The following RANBP9 variants were observed in gnomAD, a reference collection of about 807,000 sequenced individuals.
The protein encoded by RANBP9 is RAN binding protein 9.
RANBP9 carries 15 observed loss-of-function variants against 84.3 expected under a neutral mutation model. The observed-to-expected ratio is 0.18, with a 90% confidence interval of 0.12 to 0.27. RANBP9 has a LOEUF of 0.27. Ranked by LOEUF, RANBP9 falls within the 10% of genes least tolerant of loss-of-function variation. The probability of loss-of-function intolerance (pLI) is 1.00; values close to 1 mark genes in which losing one functional copy is unlikely to be tolerated. For synonymous variants in RANBP9, 392 were observed against 349.6 expected, an observed-to-expected ratio of 1.12 and a Z score of -1.35; for missense variants, 809 against 912.8, an observed-to-expected ratio of 0.89 and a Z score of 1.46.
At position 13,644,568 on chromosome 6, in the gene RANBP9, T is replaced by C. The variant is rs1424837183; in HGVS notation, c.1089A>G (p.Gly363=). Residue 363 remains glycine, a synonymous_variant, in exon 6 of 14, where the codon GGA becomes GGG. Coordinates refer to ENST00000011619, the MANE Select transcript of RANBP9 (RefSeq NM_005493.3). ...ACTTTTGTATCATGGTCTGCCATTC[T>C]CCTTCTCGATCTCCGATAGGAAATC... ...IDRFPIGDRE[G]EWQTMIQKMV... is the part of the protein sequence containing the mutation. 1 of 1,612,796 alleles carries C rather than the reference T, an allele frequency of 6.2e-7. No homozygotes were observed. Among genetic ancestry groups the C allele is most frequent in the Admixed American group, 1.7e-5 (1 of 59,668 alleles).
chr6:13,627,820 T>C (rs1358791656), intron 12 of RANBP9, among the ~76,000 whole-genome samples: 1 of 152,060 alleles, frequency 6.6e-6, no homozygotes, highest in East Asian at 1.9e-4. Context: ...ACTATATTCA[T>C]AGCCTACATC....
intron 12 of RANBP9, among the ~76,000 whole-genome samples, chr6:13,627,652 A>C (rs1280245677): frequency 1.3e-5 from 2 of 151,746 alleles, no homozygotes; most frequent in African/African-American, 2.4e-5. Context: ...AAAAAAAAAA[A>C]AATCACGTTA....
At chr6:13,696,681 A>C (rs1757838992) in intron 2 of RANBP9, 104 bp downstream of exon 2, 1 of 908,256 alleles carries the variant, frequency 1.1e-6, no homozygotes, top group African/African-American at 1.7e-5. Flanking sequence ...CCACTTTTCC[A>C]ATTAGCAAAA....
At chr6:13,684,842 G>C (rs1766132252) in intron 2 of RANBP9, among the ~76,000 whole-genome samples, 1 of 152,174 alleles carries the variant, frequency 6.6e-6, no homozygotes, top group East Asian at 1.9e-4. Context: ...CTTGTTTGGA[G>C]GTGAAAAGGC....
chr6:13,628,522 C>T lies in RANBP9; in HGVS notation c.1948-2758G>A, dbSNP rs184180500. ...AAATAAGGTTTTAAATGAAGGAAAC[C>T]AATATGGATTAGACTTAATTTTAGA... On this transcript the variant is annotated intron_variant, in intron 12 of 13. Coordinates refer to ENST00000011619, the MANE Select transcript of RANBP9 (RefSeq NM_005493.3). Among the ~76,000 whole-genome samples the T allele has an allele frequency of 2.3e-4, 35 of 152,168 alleles. No individual in the cohort carries two copies. The East Asian group carries it at 6.6e-3, about 29-fold the overall frequency.
intron 12 of RANBP9, among the ~76,000 whole-genome samples, chr6:13,627,884 C>G (rs1764662635): frequency 6.6e-6 from 1 of 152,202 alleles, no homozygotes; most frequent in South Asian, 2.1e-4. Context: ...TAAATTAAGA[C>G]TACACTGTCT....
At chr6:13,709,803 T>G (rs563985883) in intron 1 of RANBP9, among the ~76,000 whole-genome samples, 1 of 152,370 alleles carries the variant, frequency 6.6e-6, no homozygotes, top group South Asian at 2.1e-4. Context: ...TTCTCAAATT[T>G]CAGTCCCGTA....
At chr6:13,637,563 A>G (rs1267165805) in intron 10 of RANBP9, among the ~76,000 whole-genome samples, 1 of 152,184 alleles carries the variant, frequency 6.6e-6, no homozygotes, top group Admixed American at 6.5e-5. Flanking sequence ...ATTTGTCCTT[A>G]TAACTTTACT....
rs138241137 is a variant in RANBP9 at position 13,637,885 on chromosome 6, G to A, written c.1596C>T (p.His532=). The change falls in exon 10 of 14, where the codon CAC becomes CAT. Residue 532 remains histidine (H), a synonymous_variant. Coordinates refer to ENST00000011619, the MANE Select transcript of RANBP9 (RefSeq NM_005493.3). Reference sequence around the variant, plus strand: ...CTGGTACATTCAAGTTGGATGACTGGTGTTTATTACTATGGCAATATGATT... The same window carrying A: ...CTGGTACATTCAAGTTGGATGACTGATGTTTATTACTATGGCAATATGATT... ...AHQSYCHSNK[H]QSSNLNVPEL... is the part of the protein sequence containing the mutation. 241 of 1,608,174 alleles carry A rather than the reference G, an allele frequency of 1.5e-4. No individual in the cohort carries two copies. The highest frequency in any genetic ancestry group is 2.0e-4 in the Non-Finnish European group (230 of 1,175,110).
intron 5 of RANBP9, among the ~76,000 whole-genome samples, chr6:13,646,328 G>A (rs1765173801): frequency 6.6e-6 from 1 of 152,192 alleles, no homozygotes; most frequent in South Asian, 2.1e-4. Flanking sequence ...ATAATCGCTT[G>A]AACCGGGGAT....
At chr6:13,662,042 A>G (rs900714747) in intron 2 of RANBP9, among the ~76,000 whole-genome samples, 1 of 152,228 alleles carries the variant, frequency 6.6e-6, no homozygotes, top group African/African-American at 2.4e-5. Flanking sequence ...TTTACTATAC[A>G]CAGACTGTCA....
Position 13,702,356 on chromosome 6 carries a change from T to C in RANBP9, c.572-5460A>G, listed in dbSNP as rs142278114. Among the ~76,000 whole-genome samples, 516 of 152,252 alleles carry C rather than the reference T, an allele frequency of 3.4e-3. 2 individuals carry two copies. The highest frequency in any genetic ancestry group is 0.012 in the African/African-American group (498 of 41,520). Reference sequence around the variant, plus strand: ...TATTCGGGAGGCTGAGGGAGGAGAATTGCTTAAACCTGGGATCCGGCCTGA... The same window carrying C: ...TATTCGGGAGGCTGAGGGAGGAGAACTGCTTAAACCTGGGATCCGGCCTGA... On this transcript the variant is annotated intron_variant, in intron 1 of 13. Transcript: ENST00000011619.
At chr6:13,627,073 A>G (rs1328869331) in intron 12 of RANBP9, among the ~76,000 whole-genome samples, 2 of 152,168 alleles carry the variant, frequency 1.3e-5, no homozygotes, top group Non-Finnish European at 2.9e-5. Context: ...TTTCTCCTCC[A>G]ATTACAATAG....
intron 2 of RANBP9, among the ~76,000 whole-genome samples, chr6:13,686,381 G>A (rs572978798): frequency 1.2e-3 from 183 of 152,012 alleles, no homozygotes; most frequent in African/African-American, 4.2e-3. Flanking sequence ...TGCCTCCCAG[G>A]TTCAAGGGAT....
intron 3 of RANBP9, among the ~76,000 whole-genome samples, chr6:13,657,504 CAG>C (rs1427415905): frequency 6.6e-6 from 1 of 152,096 alleles, no homozygotes; most frequent in East Asian, 1.9e-4. Flanking sequence ...AAATATTAAA[CAG>C]AGAGAACCCC....
In RANBP9 at chr6:13,634,461, G is replaced by T. The variant is rs1391361623; in HGVS notation, c.1765C>A (p.His589Asn). 4.3e-6 allele frequency: 7 copies of T among 1,613,272 alleles called. No individual in the cohort carries two copies. The highest frequency in any genetic ancestry group is 5.9e-6 in the Non-Finnish European group (7 of 1,179,534). Residue 589 changes from histidine to asparagine, a missense_variant, in exon 11 of 14, where the codon CAC (histidine) becomes AAC (asparagine). His to Asn is a moderately conservative substitution (Grantham distance 68). This residue lies in a region of RANBP9 where 233 missense variants were observed against 234.4 expected (regional missense o/e 0.99). Transcript: ENST00000011619. ...TCGGTGTCACAATCTTCCATTTCGT[G>T]GTCATGTTTAGAGCTACCATTTAGG... is the stretch of plus-strand genomic sequence containing the variant. The part of the protein sequence containing the change: ...GFLNGSSKHD[H>N]EMEDCDTEME...
chr6:13,629,573 G>C (rs922627738), intron 12 of RANBP9, among the ~76,000 whole-genome samples: 2 of 152,142 alleles, frequency 1.3e-5, no homozygotes, highest in African/African-American at 4.8e-5. Flanking sequence ...TTTCTAAATA[G>C]GGTGACTCTA....
At chr6:13,695,531 T>G (rs1213922688) in intron 2 of RANBP9, among the ~76,000 whole-genome samples, 2 of 151,546 alleles carry the variant, frequency 1.3e-5, no homozygotes, top group African/African-American at 4.9e-5. Context: ...AGCTAAGATG[T>G]AGCATTAGAT....
At chr6:13,634,747 C>T (rs889387984) in intron 10 of RANBP9, among the ~76,000 whole-genome samples, 195 bp from the exon 11 acceptor site, 1 of 152,042 alleles carries the variant, frequency 6.6e-6, no homozygotes, top group Admixed American at 6.6e-5. Flanking sequence ...AAATTTGTAC[C>T]CCCGGAGGTA....
Sources: gnomAD v4.1 joint callset for allele counts (sites outside exome capture counted in the v4.1 genomes callset) on GRCh38, gnomAD v4.1.1 for gene constraint, gnomAD v4.1.1 regional missense constraint, MANE v1.5 for transcripts, NCBI Gene and HGNC (gene_info 2026-07-23, HGNC 2026-07-21) for gene names.